The following CEP170 variants were observed in gnomAD, a reference collection of about 807,000 sequenced individuals.
The protein encoded by CEP170 is centrosomal protein of 170 kDa.
In CEP170, 21 loss-of-function variants were observed where a neutral mutation model predicts 151.9. The observed-to-expected ratio is 0.14, with a 90% CI of 0.10 to 0.20. The LOEUF (loss-of-function observed/expected upper bound fraction) is 0.20. Ranked by LOEUF, CEP170 falls within the 10% of genes least tolerant of loss-of-function variation. The pLI is 1.00. For missense variants in CEP170, 964 were observed against 1,892.9 expected (o/e 0.51, Z 9.11); for synonymous variants, 356 against 648.8 (o/e 0.55, Z 6.86).
intron 16 of CEP170, 95 bp downstream of exon 16, chr1:243,139,842 C>T: frequency 7.2e-7 from 1 of 1,391,518 alleles, no homozygotes; most frequent in Non-Finnish European, 9.5e-7. Context: ...AGGAGAATCA[C>T]TTTTTCCCCA....
intron 10 of CEP170, among the ~76,000 whole-genome samples, chr1:243,182,761 G>T (rs1345202777): frequency 1.3e-5 from 2 of 152,058 alleles, no homozygotes; most frequent in Non-Finnish European, 2.9e-5. Context: ...GCCTGTTATG[G>T]GATTAATTAC....
At chr1:243,173,440 T>C (rs1572027404) in intron 10 of CEP170, among the ~76,000 whole-genome samples, 2 of 151,894 alleles carry the variant, frequency 1.3e-5, no homozygotes, top group African/African-American at 4.8e-5. Flanking sequence ...TTTTATTTGT[T>C]AAAAGATTTA....
At chr1:243,142,772 T>G (rs1398590255) in intron 14 of CEP170, among the ~76,000 whole-genome samples, 2 of 152,286 alleles carry the variant, frequency 1.3e-5, no homozygotes, top group East Asian at 3.9e-4. Flanking sequence ...GGTCTTAAAC[T>G]TGGGGAATAA....
At chr1:243,202,817 A>T (rs2061145204) in intron 4 of CEP170, among the ~76,000 whole-genome samples, 3 of 152,164 alleles carry the variant, frequency 2.0e-5, no homozygotes, top group Admixed American at 1.3e-4. Flanking sequence ...AAAGGCATTA[A>T]AAATGGACAG....
intron 7 of CEP170, among the ~76,000 whole-genome samples, chr1:243,198,188 T>C (rs2060788264): frequency 6.6e-6 from 1 of 152,114 alleles, no homozygotes; most frequent in Non-Finnish European, 1.5e-5. Context: ...TGTCTGCTGT[T>C]ATCTCAAAAA....
At chr1:243,162,020 A>G (rs1257084307) in intron 13 of CEP170, among the ~76,000 whole-genome samples, 1 of 152,240 alleles carries the variant, frequency 6.6e-6, no homozygotes, top group African/African-American at 2.4e-5. Context: ...GTCTAATACT[A>G]TAAGTGGGTA....
chr1:243,161,090 A>G (rs962420823), intron 13 of CEP170, among the ~76,000 whole-genome samples: 2 of 148,626 alleles, frequency 1.3e-5, no homozygotes, highest in African/African-American at 5.1e-5. Context: ...TGGGAGGCTG[A>G]CACGGGAGGA....
chr1:243,253,007 T>C (rs1348864187), intron 1 of CEP170: 1 of 152,246 alleles, frequency 6.6e-6, no homozygotes. Context: ...AGGTTCTTGT[T>C]ATGCGGAAAT....
chr1:243,240,264 C>G (rs939479486), intron 1 of CEP170, among the ~76,000 whole-genome samples: 1 of 152,056 alleles, frequency 6.6e-6, no homozygotes, highest in South Asian at 2.1e-4. Context: ...GAGCTGAGAT[C>G]ACGCCATTGC....
At chr1:243,152,379 G>A (rs1430823092) in intron 14 of CEP170, among the ~76,000 whole-genome samples, 2 of 151,482 alleles carry the variant, frequency 1.3e-5, no homozygotes, top group Admixed American at 1.3e-4. Context: ...CCGCCACCAC[G>A]CCCGGCTAAT....
At chr1:243,209,239 C>T (rs1347255370) in intron 4 of CEP170, among the ~76,000 whole-genome samples, 2 of 152,178 alleles carry the variant, frequency 1.3e-5, no homozygotes, top group African/African-American at 2.4e-5. Flanking sequence ...GGCTGGAGTG[C>T]AGTGGCACGA....
Position 243,172,752 on chromosome 1 carries a change from G to T in CEP170, c.1661C>A (p.Ala554Glu). 1 of 1,580,194 alleles carries T rather than the reference G, an allele frequency of 6.3e-7. No homozygotes were observed. Among genetic ancestry groups the T allele is most frequent in the Non-Finnish European group, 8.6e-7 (1 of 1,162,026 alleles). The change falls in exon 11 of 20, where the codon GCA becomes GAA. Residue 554 changes from alanine (A) to glutamate (E), a missense_variant. Coordinates refer to ENST00000366542, the MANE Select transcript of CEP170 (RefSeq NM_014812.3). ...LIKDWALSSAAAVMEERKPLT... is the reference protein window; with the variant it reads ...LIKDWALSSAEAVMEERKPLT... ...TGGTTTTCTTTCTTCCATTACTGCT[G>T]CAGCAGAACTGAGAGCCCAATCTTT...
chr1:243,181,486 G>A (rs139003547), intron 10 of CEP170, among the ~76,000 whole-genome samples: 3,154 of 152,158 alleles, frequency 0.021, 53 homozygotes, highest in Non-Finnish European at 0.032. Context: ...ATAACTTGGC[G>A]ACAGAAAAAG....
At chr1:243,152,273 G>A (rs1299964536) in intron 14 of CEP170, among the ~76,000 whole-genome samples, 1 of 150,658 alleles carries the variant, frequency 6.6e-6, no homozygotes, top group Non-Finnish European at 1.5e-5. Context: ...CCAGGCTGGA[G>A]TGCAGTGGCG....
At chr1:243,159,097 C>CA (rs1240988449) in intron 13 of CEP170, among the ~76,000 whole-genome samples, 2 of 152,046 alleles carry the variant, frequency 1.3e-5, no homozygotes, top group South Asian at 4.1e-4. Flanking sequence ...AGAAAAAAAT[C>CA]AAACGAATAC....
rs561078207 is a variant in CEP170, at chr1:243,172,023, G to A, written c.1716+674C>T. Among the ~76,000 whole-genome samples, 306 of 152,208 alleles carry A rather than the reference G, an allele frequency of 2.0e-3. 2 individuals are homozygous for A. The highest frequency in any genetic ancestry group is 7.1e-3 in the African/African-American group (293 of 41,528). On this transcript the variant is annotated intron_variant, in intron 11 of 19. Transcript: ENST00000366542. ...TGAGTTATATAAACTGTATCTATCAGGCAGTGCCCTCGTACATGTTTCCTG... is the reference window on the plus strand; with the variant it reads ...TGAGTTATATAAACTGTATCTATCAAGCAGTGCCCTCGTACATGTTTCCTG...
intron 11 of CEP170, among the ~76,000 whole-genome samples, chr1:243,172,385 C>T (rs2058910561): frequency 6.6e-6 from 1 of 152,142 alleles, no homozygotes; most frequent in Non-Finnish European, 1.5e-5. Context: ...CTGTAATCCT[C>T]GCACCATGGG....
chr1:243,244,437 A>T (rs2065165143), intron 1 of CEP170, among the ~76,000 whole-genome samples: 1 of 152,194 alleles, frequency 6.6e-6, no homozygotes, highest in Non-Finnish European at 1.5e-5. Context: ...TAAAAAACAA[A>T]TAGTTTAGAA....
chr1:243,186,779 C>T (rs2059963601), intron 8 of CEP170, among the ~76,000 whole-genome samples: 1 of 151,674 alleles, frequency 6.6e-6, no homozygotes, highest in Admixed American at 6.6e-5. Context: ...TCTTATTTAG[C>T]AATAAAAAAT....
Sources: gnomAD v4.1 joint callset for allele counts (sites outside exome capture counted in the v4.1 genomes callset) on GRCh38, gnomAD v4.1.1 for gene constraint, MANE v1.5 for transcripts, NCBI Gene and HGNC (gene_info 2026-07-23, HGNC 2026-07-21) for gene names.